SKA3: variants seen among roughly 807,000 people sequenced by gnomAD.
SKA3 encodes spindle and kinetochore associated complex subunit 3.
SKA3 carries 39 observed loss-of-function variants against 44.2 expected under a neutral mutation model. The observed-to-expected ratio is 0.88, with a 90% CI of 0.68 to 1.15. The LOEUF is 1.15. Ranked by LOEUF, SKA3 falls within the 50% of genes most tolerant of loss-of-function variation. SKA3 has a pLI of 0.00. For missense variants in SKA3, 511 were observed against 485.8 expected, an observed-to-expected ratio of 1.05 and a Z score of -0.49; for synonymous variants, 192 against 172.0, an observed-to-expected ratio of 1.12 and a Z score of -0.91.
intron 3 of SKA3, among the ~76,000 whole-genome samples, chr13:21,170,148 TAC>T (rs1870956617): frequency 6.6e-6 from 1 of 151,862 alleles, no homozygotes; most frequent in Admixed American, 6.6e-5. Flanking sequence ...TTCAAAGATA[TAC>T]AGTTTCTCAA....
chr13:21,170,356 T>C (rs1191932062), intron 3 of SKA3, among the ~76,000 whole-genome samples: 2 of 152,026 alleles, frequency 1.3e-5, no homozygotes, highest in African/African-American at 4.8e-5. Flanking sequence ...ATTTTCGTAT[T>C]TTTAGTAGAG....
Position 21,172,472 on chromosome 13 carries a change from T to G in SKA3, c.198A>C (p.Arg66Ser). 2.5e-6 allele frequency: 4 copies of G among 1,589,740 alleles called. No homozygotes were observed. The highest frequency in any genetic ancestry group is 3.4e-6 in the Non-Finnish European group (4 of 1,170,700). Residue 66 changes from arginine to serine, a missense_variant, in exon 3 of 9, where the codon AGA (arginine) becomes AGC (serine). Coordinates refer to ENST00000314759, the MANE Select transcript of SKA3 (RefSeq NM_145061.6). ...DDVNILLDKA[R>S]LENQEGIDFI... ...AATCAATGCCTTCTTGATTTTCCAA[T>G]CTTGCTTTATCAAGAAGAATATTAA...
At chr13:21,174,244 T>C (rs1288425309) in intron 1 of SKA3, among the ~76,000 whole-genome samples, 1 of 152,204 alleles carries the variant, frequency 6.6e-6, no homozygotes, top group African/African-American at 2.4e-5. Flanking sequence ...ACTGGGTATA[T>C]ACCCAAAGGA....
At chr13:21,162,930 C>T (rs9552375) in intron 4 of SKA3, among the ~76,000 whole-genome samples, 44,335 of 151,866 alleles carry the variant, frequency 0.29, 6,872 homozygotes, top group South Asian at 0.38. Flanking sequence ...TACCTGTAGC[C>T]TCAGCTACGC....
intron 1 of SKA3, 146 bp from the exon 2 acceptor site, chr13:21,172,827 A>T (rs532859776): frequency 1.7e-5 from 6 of 344,694 alleles, no homozygotes; most frequent in South Asian, 5.8e-5. Context: ...ATAATACCAT[A>T]TTTTTTACCG....
chr13:21,168,512 T>C (rs1233383622), intron 3 of SKA3, 113 bp from the exon 4 acceptor site: 5 of 862,488 alleles, frequency 5.8e-6, no homozygotes, highest in African/African-American at 3.4e-5. Flanking sequence ...AAAGTTCCAA[T>C]TGTCTAAACA....
In SKA3 at chr13:21,168,158, T is replaced by A. The variant is rs764168238; in HGVS notation, c.573A>T (p.Pro191=). 2 of 1,614,112 alleles carry A rather than the reference T, an allele frequency of 1.2e-6. No homozygotes were observed. Among genetic ancestry groups the A allele is most frequent in the South Asian group, 2.2e-5 (2 of 91,082 alleles). ...CTTTTACTAGTGATTGTTTGGTAGG[T>A]GGGGTTACAATTACGGGCTCTTCCT... ...NYKEEPVIVT[P]PTKQSLVKVL... The change falls in exon 4 of 9, where the codon CCA becomes CCT. Residue 191 remains proline (P), a synonymous_variant. Coordinates refer to ENST00000314759, the MANE Select transcript of SKA3 (RefSeq NM_145061.6).
intron 4 of SKA3, among the ~76,000 whole-genome samples, chr13:21,166,708 G>A (rs1402512945): frequency 6.6e-6 from 1 of 152,212 alleles, no homozygotes; most frequent in African/African-American, 2.4e-5. Flanking sequence ...ACTCCAGCCT[G>A]GGGGATAGAA....
intron 1 of SKA3, among the ~76,000 whole-genome samples, chr13:21,173,947 T>C (rs966373502): frequency 2.6e-5 from 4 of 152,198 alleles, no homozygotes. Context: ...ATTTTTACAG[T>C]TCACACTCCC....
In SKA3 at chr13:21,159,928, G is replaced by C. The variant is rs1295708508; in HGVS notation, c.889C>G (p.Pro297Ala). The change falls in exon 6 of 9, where the codon CCA becomes GCA. Residue 297 changes from proline to alanine, a missense_variant. Coordinates refer to ENST00000314759, the MANE Select transcript of SKA3 (RefSeq NM_145061.6). ...AAAGCTATGCTGTTCTTTGTAGATGGAATTTTCAAACCAGGAGTACAGAAT... is the reference window on the plus strand; with the variant it reads ...AAAGCTATGCTGTTCTTTGTAGATGCAATTTTCAAACCAGGAGTACAGAAT... ...PTFCTPGLKI[P>A]STKNSIALVS... 7 of 1,608,270 alleles carry C rather than the reference G, an allele frequency of 4.4e-6. No individual in the cohort carries two copies. The highest frequency in any genetic ancestry group is 5.9e-6 in the Non-Finnish European group (7 of 1,177,936).
rs545353251 is a variant in SKA3, at chr13:21,168,186, T to C, written c.545A>G (p.Tyr182Cys). The change falls in exon 4 of 9, where the codon TAT (tyrosine) becomes TGT (cysteine). Residue 182 changes from tyrosine (Y) to cysteine (C), a missense_variant. By Grantham distance (194) the Tyr-to-Cys change is radical (BLOSUM62 -2). Coordinates refer to ENST00000314759, the MANE Select transcript of SKA3 (RefSeq NM_145061.6). ...GGTTACAATTACGGGCTCTTCCTTA[T>C]AGTTGTTCACTGCCTGTGGAGGGTT... ...LPNPPQAVNN[Y>C]KEEPVIVTPP... 7.6e-5 allele frequency: 122 copies of C among 1,614,160 alleles called. No individual in the cohort carries two copies. In the South Asian group the frequency reaches 1.2e-3, roughly 16 times the overall value.
intron 1 of SKA3, 101 bp from the exon 2 acceptor site, chr13:21,172,782 C>A: frequency 1.5e-6 from 1 of 668,954 alleles, no homozygotes; most frequent in Non-Finnish European, 2.5e-6. Flanking sequence ...TGACATTGGT[C>A]AATCACAGAT....
At chr13:21,157,453 C>T (rs1434756944) in intron 7 of SKA3, among the ~76,000 whole-genome samples, 1 of 152,214 alleles carries the variant, frequency 6.6e-6, no homozygotes, top group Non-Finnish European at 1.5e-5. Context: ...CAGTGATAAG[C>T]ACTTGTGTAT....
At position 21,176,542 on chromosome 13, in the gene SKA3, G is replaced by T; in HGVS notation, c.-65C>A. The stretch of plus-strand genomic sequence containing the variant: ...CCCACCGCTCAGCTCACAGCCTCCC[G>T]CCACTAGTTTGAATCTCGGCGCCGG... On this transcript the variant is annotated 5_prime_UTR_variant, in exon 1 of 9. Transcript: ENST00000314759. The T allele has an allele frequency of 1.0e-6, 1 of 989,162 alleles. No homozygotes were observed. The highest frequency in any genetic ancestry group is 1.3e-6 in the Non-Finnish European group (1 of 751,688). The allele number at this position is 989,162 out of a possible 1,614,324, so 61.3% of individuals were successfully genotyped here.
At chr13:21,163,475 T>G (rs1870546340) in intron 4 of SKA3, among the ~76,000 whole-genome samples, 1 of 152,224 alleles carries the variant, frequency 6.6e-6, no homozygotes, top group Admixed American at 6.5e-5. Flanking sequence ...ATAAAGGCTT[T>G]TATATACACT....
At chr13:21,170,002 TATG>T (rs1870948084) in intron 3 of SKA3, among the ~76,000 whole-genome samples, 1 of 152,024 alleles carries the variant, frequency 6.6e-6, no homozygotes, top group Non-Finnish European at 1.5e-5. Flanking sequence ...TAACACAGAG[TATG>T]ATATTATTTT....
In SKA3 at chr13:21,172,426, G is replaced by A. The variant is rs1275139724; in HGVS notation, c.244C>T (p.Leu82=). The part of the protein sequence containing the change: ...GIDFIKATKV[L]MEKNSMDIMK... ...ATATCCATTGAATTTTTTTCCATTA[G>A]TACTTTTGTTGCCTTTATGAAATCA... The change falls in exon 3 of 9, where the codon CTA becomes TTA. Residue 82 remains leucine (L), a synonymous_variant. Transcript: ENST00000314759. 1 of 1,592,734 alleles carries A rather than the reference G, an allele frequency of 6.3e-7. No individual in the cohort carries two copies. The highest frequency in any genetic ancestry group is 1.4e-5 in the African/African-American group (1 of 73,348).
chr13:21,159,479 A>G (rs1205142023), intron 6 of SKA3, among the ~76,000 whole-genome samples: 2 of 152,116 alleles, frequency 1.3e-5, no homozygotes, highest in African/African-American at 4.8e-5. Context: ...CATATGATTA[A>G]TATTTCTTGA....
Position 21,169,812 on chromosome 13 carries a change from A to G in SKA3, c.332-1413T>C, listed in dbSNP as rs1017524038. 2.6e-5 allele frequency among the ~76,000 whole-genome samples: 4 copies of G among 151,948 alleles called. No individual in the cohort carries two copies. In the South Asian group the frequency reaches 8.3e-4, roughly 31 times the overall value. On this transcript the variant is annotated intron_variant, in intron 3 of 8. Coordinates refer to ENST00000314759, the MANE Select transcript of SKA3 (RefSeq NM_145061.6). The stretch of plus-strand genomic sequence containing the variant: ...CCACCATGCCCAGATAATTTTTTGT[A>G]CTTTTTGTAGAGATAGGGTTTCGCC...
Sources: allele counts gnomAD v4.1 joint callset (sites outside exome capture counted in the v4.1 genomes callset), GRCh38; gene constraint gnomAD v4.1.1; transcripts MANE v1.5; gene names NCBI Gene and HGNC (gene_info 2026-07-23, HGNC 2026-07-21).